AEN: variants seen among roughly 807,000 people sequenced by gnomAD.
AEN encodes apoptosis-enhancing nuclease.
A neutral mutation model predicts 17.7 loss-of-function variants in AEN; 21 were observed. That is an observed-to-expected ratio of 1.19 (90% CI 0.84 to 1.71). The LOEUF (loss-of-function observed/expected upper bound fraction) is 1.71. AEN is among the 40% of genes most tolerant of loss of function. The pLI is 0.00. For synonymous variants in AEN, 190 were observed against 173.0 expected (o/e 1.10, Z -0.77); for missense variants, 462 against 435.9 (o/e 1.06, Z -0.53).
At chr15:88,611,794 G>T in the AEN span, 1 of 471,276 alleles carries the variant, frequency 2.1e-6, no homozygotes, top group Non-Finnish European at 4.3e-6. Flanking sequence ...GAGGGGAGGG[G>T]GGTGGTCCTC....
At position 88,626,781 on chromosome 15, in the gene AEN, G is replaced by C. The variant is rs755063361; in HGVS notation, c.540+32G>C. 25 of 1,581,526 alleles carry C rather than the reference G, an allele frequency of 1.6e-5. No individual in the cohort carries two copies. In the African/African-American group the frequency reaches 2.5e-4, roughly 16 times the overall value. ...GCAGGGATGGGGACTTGTTTGGGAG[G>C]TGTGGTGGGCTGGAAAGAGCCACCC... On this transcript the variant is annotated intron_variant, in intron 2 of 3. Coordinates refer to ENST00000332810, the MANE Select transcript of AEN (RefSeq NM_022767.4).
intron 2 of AEN, chr15:88,627,273 T>C (rs1395379576): frequency 6.2e-6 from 1 of 160,716 alleles, no homozygotes; most frequent in Non-Finnish European, 1.4e-5. Context: ...TCCTGATCCA[T>C]TAGGCTTGGG....
chr15:88,625,845 C>T (rs903061990), intron 1 of AEN, among the ~76,000 whole-genome samples: 7 of 152,140 alleles, frequency 4.6e-5, no homozygotes, highest in Non-Finnish European at 1.0e-4. Context: ...ACTAATGGGG[C>T]AAGTTTCTTC....
intron 1 of AEN, among the ~76,000 whole-genome samples, chr15:88,625,518 T>A (rs908812084): frequency 2.0e-5 from 3 of 152,084 alleles, no homozygotes; most frequent in African/African-American, 2.4e-5. Flanking sequence ...ATAAATAAAT[T>A]AATTAAATAA....
chr15:88,626,148 T>C lies in AEN; in HGVS notation c.-62T>C, dbSNP rs1287069759. 6.6e-7 allele frequency: 1 copy of C among 1,505,118 alleles called. No individual in the cohort carries two copies. The highest frequency in any genetic ancestry group is 8.8e-7 in the Non-Finnish European group (1 of 1,130,810). 93.2% of individuals were successfully genotyped at this position (1,505,118 alleles called of 1,614,324 possible). A position where few individuals can be genotyped will look rare whatever the true frequency, so the allele number is the denominator to read the frequency against. On this transcript the variant is annotated splice_region_variant and 5_prime_UTR_variant, in exon 2 of 4. Coordinates refer to ENST00000332810, the MANE Select transcript of AEN (RefSeq NM_022767.4). The stretch of plus-strand genomic sequence containing the variant: ...CTGCCTGTGTGTTCTCTCTTCAGGC[T>C]GCTGCCCCATTGGAAGATTACTCCC...
chr15:88,626,902 G>C, intron 2 of AEN, 153 bp downstream of exon 2: 1 of 834,500 alleles, frequency 1.2e-6, no homozygotes, highest in Non-Finnish European at 1.8e-6. Flanking sequence ...CATAGAACAG[G>C]GGAAATAAAA....
chr15:88,624,485 G>T (rs1014132766), intron 1 of AEN, among the ~76,000 whole-genome samples: 1 of 152,220 alleles, frequency 6.6e-6, no homozygotes, highest in Non-Finnish European at 1.5e-5. Flanking sequence ...AATACAGGAA[G>T]ACCCCAGCAT....
the AEN span, chr15:88,611,910 CT>C: frequency 1.9e-6 from 1 of 514,190 alleles, no homozygotes; most frequent in Admixed American, 2.1e-5. Context: ...AAATCCCAGT[CT>C]ACCTAATGGT....
At position 88,631,046 on chromosome 15, in the gene AEN, A is replaced by G; in HGVS notation, c.*752A>G. 3 of 447,026 alleles carry G rather than the reference A, an allele frequency of 6.7e-6. No homozygotes were observed. The Admixed American group carries it at 7.1e-5, about 11-fold the overall frequency. The allele number at this position is 447,026 out of a possible 1,614,324, so 27.7% of individuals were successfully genotyped here. On this transcript the variant is annotated 3_prime_UTR_variant, in exon 4 of 4. Transcript: ENST00000332810. ...AGCTCAGGGAGGAGGGAAGGCAGGT[A>G]AGCTTTGGACGAGAACTGGCATATT...
At chr15:88,606,197 C>T in the AEN span, among the ~76,000 whole-genome samples, 2 of 152,172 alleles carry the variant, frequency 1.3e-5, no homozygotes, top group East Asian at 1.9e-4. Context: ...AAATCCTGCG[C>T]TCCCCCGTGC....
chr15:88,614,902 T>C, the AEN span, among the ~76,000 whole-genome samples: 1 of 152,128 alleles, frequency 6.6e-6, no homozygotes, highest in African/African-American at 2.4e-5. Flanking sequence ...TTGTTTTGTT[T>C]TGTGAGATGG....
At position 88,631,338 on chromosome 15, in the gene AEN, T is replaced by C. The variant is rs1183005479; in HGVS notation, c.*1044T>C. The C allele has an allele frequency of 2.1e-5, 6 of 286,732 alleles. No individual in the cohort carries two copies. The highest frequency in any genetic ancestry group is 1.5e-4 in the Admixed American group (4 of 26,158). The allele number at this position is 286,732 out of a possible 1,614,324, so 17.8% of individuals were successfully genotyped here. On this transcript the variant is annotated 3_prime_UTR_variant, in exon 4 of 4. Coordinates refer to ENST00000332810, the MANE Select transcript of AEN (RefSeq NM_022767.4). ...CCTGGTCTGATGCCCCCTCAGCTCT[T>C]TGACAATCACTGTGGCTGTTGGGTT...
intron 2 of AEN, chr15:88,628,264 C>T (rs536514932): frequency 6.6e-6 from 1 of 152,346 alleles, no homozygotes; most frequent in Admixed American, 6.5e-5. Context: ...GTGGCATGTC[C>T]CTACTATAAA....
the AEN span, among the ~76,000 whole-genome samples, chr15:88,614,071 A>T: frequency 6.6e-6 from 1 of 152,196 alleles, no homozygotes; most frequent in Admixed American, 6.5e-5. Flanking sequence ...CAGGGGACTC[A>T]ATATATATTG....
chr15:88,620,876 G>A (rs1231635392), upstream of AEN, among the ~76,000 whole-genome samples: 2 of 152,156 alleles, frequency 1.3e-5, no homozygotes, highest in South Asian at 2.1e-4. Flanking sequence ...CAGCGCTGAC[G>A]GAGGAAACCT....
intron 2 of AEN, chr15:88,627,733 C>G (rs1464803663): frequency 6.6e-6 from 1 of 152,172 alleles, no homozygotes; most frequent in Admixed American, 6.5e-5. Flanking sequence ...TGTGTATGCC[C>G]TCTTGGCTTA....
chr15:88,623,920 G>A (rs2057818681), intron 1 of AEN, among the ~76,000 whole-genome samples: 1 of 152,258 alleles, frequency 6.6e-6, no homozygotes, highest in African/African-American at 2.4e-5. Flanking sequence ...GAGGCTGCTG[G>A]TGGGCCCTCT....
chr15:88,631,248 C>G lies in AEN; in HGVS notation c.*954C>G, dbSNP rs2057924677. The G allele has an allele frequency of 5.0e-5, 22 of 442,300 alleles. No homozygotes were observed. The Admixed American group carries it at 5.2e-4, about 10-fold the overall frequency. 27.4% of individuals were successfully genotyped at this position (442,300 alleles called of 1,614,324 possible). A position where few individuals can be genotyped will look rare whatever the true frequency, so the allele number is the denominator to read the frequency against. ...CTAGGGCAGTGGAGTCTGCGTGTCT[C>G]CTGGGGCTGGGGCAGGGCATTGGCA... On this transcript the variant is annotated 3_prime_UTR_variant, in exon 4 of 4. Coordinates refer to ENST00000332810, the MANE Select transcript of AEN (RefSeq NM_022767.4).
At chr15:88,613,810 G>A in the AEN span, among the ~76,000 whole-genome samples, 6 of 152,252 alleles carry the variant, frequency 3.9e-5, no homozygotes, top group South Asian at 2.1e-4. Flanking sequence ...AGGTTATTAC[G>A]ATAAGTAGGC....
Sources: allele counts gnomAD v4.1 joint callset (sites outside exome capture counted in the v4.1 genomes callset), GRCh38; gene constraint gnomAD v4.1.1; transcripts MANE v1.5; gene names NCBI Gene and HGNC (gene_info 2026-07-23, HGNC 2026-07-21).